NCR1: variants seen among roughly 807,000 people sequenced by gnomAD.
NCR1 encodes natural cytotoxicity triggering receptor 1.
Under a neutral mutation model 32.5 loss-of-function variants are expected in NCR1, and 30 were observed. The ratio of observed to expected loss-of-function variants is 0.92; its 90% CI spans 0.69 to 1.25. The LOEUF (loss-of-function observed/expected upper bound fraction) is 1.25. NCR1 is among the 50% of genes most tolerant of loss of function. The pLI is 0.00. For synonymous variants in NCR1, 169 were observed against 143.4 expected (o/e 1.18, Z -1.28); for missense variants, 369 against 380.7 (o/e 0.97, Z 0.26).
At chr19:54,899,558 A>C in the NCR1 span, among the ~76,000 whole-genome samples, 4 of 151,908 alleles carry the variant, frequency 2.6e-5, no homozygotes, top group Non-Finnish European at 4.4e-5. Flanking sequence ...CGGGGTGCAG[A>C]GATAAGACGT....
Position 54,912,910 on chromosome 19 carries a change from A to C in NCR1, c.*39A>C. 6.3e-7 allele frequency: 1 copy of C among 1,596,562 alleles called. No homozygotes were observed. Among genetic ancestry groups the C allele is most frequent in the Non-Finnish European group, 8.6e-7 (1 of 1,169,318 alleles). On this transcript the variant is annotated 3_prime_UTR_variant, in exon 7 of 7. Transcript: ENST00000291890. ...GACACAGTGGCCATGGGTGGATCTG[A>C]AAGCTGGTGTTGAGCCTGGGCGGCG...
chr19:54,930,528 C>A, the NCR1 span: 1 of 1,612,136 alleles, frequency 6.2e-7, no homozygotes, highest in South Asian at 1.1e-5. Context: ...AGTTTGGATT[C>A]TCTAATGCCT....
the NCR1 span, among the ~76,000 whole-genome samples, chr19:54,926,171 T>A: frequency 6.6e-6 from 1 of 151,820 alleles, no homozygotes; most frequent in East Asian, 1.9e-4. Flanking sequence ...AGGACAGCTC[T>A]GGGAACTACC....
upstream of NCR1, among the ~76,000 whole-genome samples, chr19:54,903,359 C>CATACATGTATAT (rs936459457): frequency 8.7e-6 from 1 of 114,522 alleles, no homozygotes; most frequent in Non-Finnish European, 1.7e-5. Context: ...TGCATATATA[C>CATACATGTATAT]ATACATGTAT....
At chr19:54,922,506 G>A in the NCR1 span, among the ~76,000 whole-genome samples, 6 of 151,858 alleles carry the variant, frequency 4.0e-5, no homozygotes, top group Admixed American at 3.3e-4. Context: ...GGCTGGGCTC[G>A]GTGGCTCACG....
At position 54,906,155 on chromosome 19, in the gene NCR1, A is replaced by C. The variant is rs755045650; in HGVS notation, c.-33A>C. ...CCCTGGCCCGCCCGGCTCAGTCCCCACTGCTCAGCACTAGGCCGGCAGAAT... is the reference window on the plus strand; with the variant it reads ...CCCTGGCCCGCCCGGCTCAGTCCCCCCTGCTCAGCACTAGGCCGGCAGAAT... On this transcript the variant is annotated 5_prime_UTR_variant, in exon 1 of 7. Coordinates refer to ENST00000291890, the MANE Select transcript of NCR1 (RefSeq NM_004829.7). The C allele has an allele frequency of 6.2e-7, 1 of 1,613,910 alleles. No homozygotes were observed. The highest frequency in any genetic ancestry group is 8.5e-7 in the Non-Finnish European group (1 of 1,179,996).
At chr19:54,935,228 G>T in the NCR1 span, among the ~76,000 whole-genome samples, 11 of 19,616 alleles carry the variant, frequency 5.6e-4, no homozygotes, top group South Asian at 0.042. Context: ...TTGCAGGGGG[G>T]AAAAAAAAAT....
At chr19:54,931,583 G>A in the NCR1 span, among the ~76,000 whole-genome samples, 17 of 152,118 alleles carry the variant, frequency 1.1e-4, no homozygotes, top group Non-Finnish European at 1.8e-4. Context: ...AGCTACTCAG[G>A]AGGCTGAGGC....
the NCR1 span, among the ~76,000 whole-genome samples, chr19:54,922,879 C>CA: frequency 4.0e-5 from 6 of 149,404 alleles, no homozygotes; most frequent in African/African-American, 1.5e-4. Context: ...GAAACACAGA[C>CA]AGACACAGAG....
intron 5 of NCR1, among the ~76,000 whole-genome samples, chr19:54,911,746 C>T (rs941487538): frequency 1.3e-5 from 2 of 152,158 alleles, no homozygotes; most frequent in African/African-American, 2.4e-5. Flanking sequence ...CATCCCAGCC[C>T]TTTGGGAGGC....
downstream of NCR1, among the ~76,000 whole-genome samples, chr19:54,914,454 T>G (rs1277646712): frequency 6.6e-6 from 1 of 152,078 alleles, no homozygotes. Context: ...TTCTCCTGCC[T>G]CAGCCTCCTG....
At chr19:54,918,834 C>T (rs1336039783), downstream of NCR1, among the ~76,000 whole-genome samples, 3 of 151,868 alleles carry the variant, frequency 2.0e-5, no homozygotes, top group Admixed American at 2.0e-4. Flanking sequence ...TAGAAAAATA[C>T]ATAGCTGGGT....
Position 54,909,359 on chromosome 19 carries a change from A to C in NCR1, c.470A>C (p.Lys157Thr). 5.6e-6 allele frequency: 9 copies of C among 1,614,110 alleles called. No individual in the cohort carries two copies. Among genetic ancestry groups the C allele is most frequent in the African/African-American group, 1.3e-5 (1 of 75,024 alleles). The change falls in exon 4 of 7, where the codon AAG (lysine) becomes ACG (threonine). Residue 157 changes from lysine to threonine, a missense_variant. Transcript: ENST00000291890. Reference sequence around the variant, plus strand: ...GCAACAAGCATGTTCTTACTGCTCAAGGAGGGAAGATCCAGCCACGTACAG... The same window carrying C: ...GCAACAAGCATGTTCTTACTGCTCACGGAGGGAAGATCCAGCCACGTACAG... ...DTATSMFLLLKEGRSSHVQRG... is the reference protein window; with the variant it reads ...DTATSMFLLLTEGRSSHVQRG...
At chr19:54,911,911 C>CGA (rs756611451) in intron 5 of NCR1, among the ~76,000 whole-genome samples, 8 of 147,888 alleles carry the variant, frequency 5.4e-5, no homozygotes, top group Non-Finnish European at 1.0e-4. Context: ...CAGTGAGACT[C>CGA]TATCTCAAAA....
chr19:54,923,147 CTGT>C, the NCR1 span, among the ~76,000 whole-genome samples: 8 of 152,322 alleles, frequency 5.3e-5, no homozygotes, highest in Non-Finnish European at 1.5e-5. Context: ...GGCCCACGAG[CTGT>C]TTCTGGGAAG....
downstream of NCR1, among the ~76,000 whole-genome samples, chr19:54,914,215 CT>C (rs373431642): frequency 0.13 from 16,011 of 122,224 alleles, 2,101 homozygotes; most frequent in African/African-American, 0.35. Flanking sequence ...CAGAATTTCA[CT>C]TTTTTTTTTT....
the NCR1 span, among the ~76,000 whole-genome samples, chr19:54,899,408 A>C: frequency 2.0e-5 from 3 of 152,052 alleles, no homozygotes; most frequent in African/African-American, 7.2e-5. Flanking sequence ...GGAGGCAAGC[A>C]CAGAGAAAAG....
chr19:54,904,139 A>G (rs1016721794), upstream of NCR1, among the ~76,000 whole-genome samples: 1 of 138,234 alleles, frequency 7.2e-6, no homozygotes, highest in Non-Finnish European at 1.6e-5. Context: ...AAAAAAAAAA[A>G]AAAAGAAAGA....
chr19:54,913,777 CAAAAACT>C (rs1191357038), downstream of NCR1, among the ~76,000 whole-genome samples: 3 of 148,988 alleles, frequency 2.0e-5, no homozygotes, highest in Admixed American at 1.3e-4. Flanking sequence ...ACTAAAAATA[CAAAAACT>C]CGGCCAGGCA....
Sources: allele counts gnomAD v4.1 joint callset (sites outside exome capture counted in the v4.1 genomes callset), GRCh38; gene constraint gnomAD v4.1.1; transcripts MANE v1.5; gene names NCBI Gene and HGNC (gene_info 2026-07-23, HGNC 2026-07-21).